ACSL6: variants seen among roughly 807,000 people sequenced by gnomAD.
ACSL6 encodes long-chain-fatty-acid--CoA ligase 6.
ACSL6 carries 47 observed loss-of-function variants against 98.2 expected under a neutral mutation model. That is an observed-to-expected ratio of 0.48 (90% CI 0.38 to 0.61). The LOEUF is 0.61. Ranked by LOEUF, ACSL6 falls within the 20% of genes least tolerant of loss-of-function variation. The probability of loss-of-function intolerance (pLI) is 0.00; values close to 1 mark genes in which losing one functional copy is unlikely to be tolerated. For synonymous variants in ACSL6, 362 were observed against 336.9 expected, an observed-to-expected ratio of 1.07 and a Z score of -0.82; for missense variants, 761 against 913.4, an observed-to-expected ratio of 0.83 and a Z score of 2.15.
rs1385418845 is a variant in ACSL6 at position 131,990,167 on chromosome 5, G to A, written c.386-3C>T. On this transcript the variant is annotated splice_region_variant and splice_polypyrimidine_tract_variant and intron_variant, in intron 3 of 20. Coordinates refer to ENST00000651883, the MANE Select transcript of ACSL6 (RefSeq NM_001009185.3). ...GAAACCAAGACAGGGCCCATTCCCT[G>A]TAGAGAGATAAGAAAGCCTTGTGTC... The A allele has an allele frequency of 6.2e-7, 1 of 1,613,944 alleles. No individual in the cohort carries two copies. Among genetic ancestry groups the A allele is most frequent in the East Asian group, 2.2e-5 (1 of 44,870 alleles).
At chr5:131,989,783 G>C (rs541489060) in intron 4 of ACSL6, among the ~76,000 whole-genome samples, 2 of 151,976 alleles carry the variant, frequency 1.3e-5, no homozygotes, top group African/African-American at 4.8e-5. Flanking sequence ...TAGTAGAGAC[G>C]GAGTTTCACT....
chr5:131,988,625 G>C, intron 6 of ACSL6, 180 bp downstream of exon 6: 29 of 1,613,160 alleles, frequency 1.8e-5, no homozygotes, highest in Non-Finnish European at 2.5e-5. Flanking sequence ...TTCGTGTGAA[G>C]TCTGACCAGG....
intron 9 of ACSL6, 65 bp downstream of exon 9, chr5:131,985,342 A>G: frequency 6.3e-7 from 1 of 1,593,732 alleles, no homozygotes; most frequent in South Asian, 1.1e-5. Flanking sequence ...TCCAGCAGTC[A>G]CCTGCTAGGC....
Position 131,989,418 on chromosome 5 carries a change from T to G in ACSL6, c.541A>C (p.Asn181His). 6.2e-7 allele frequency: 1 copy of G among 1,613,948 alleles called. No individual in the cohort carries two copies. The change falls in exon 5 of 21, where the codon AAT becomes CAT. Residue 181 changes from asparagine (N) to histidine (H), a missense_variant. Coordinates refer to ENST00000651883, the MANE Select transcript of ACSL6 (RefSeq NM_001009185.3). ...TDQFIGVFAQ[N>H]RPEWIIVELA... ...AGGTAGATGCTCACCTCTGGCCGAT[T>G]TTGTGCAAAAACACCAATAAACTGA...
rs558589097 is a variant in ACSL6, at chr5:131,955,897, T to C, written c.2032-1526A>G. Among the ~76,000 whole-genome samples, 30 of 152,360 alleles carry C rather than the reference T, an allele frequency of 2.0e-4. No homozygotes were observed. The South Asian group carries it at 6.2e-3, about 32-fold the overall frequency. On this transcript the variant is annotated intron_variant, in intron 20 of 20. Coordinates refer to ENST00000651883, the MANE Select transcript of ACSL6 (RefSeq NM_001009185.3). ...AAAAAATTGACAGTACTAATATCCT[T>C]AACTTTTCAAAAAAATTTCTTTCTG...
chr5:131,993,985 C>A, intron 2 of ACSL6, 46 bp downstream of exon 2: 1 of 1,590,790 alleles, frequency 6.3e-7, no homozygotes, highest in Non-Finnish European at 8.6e-7. Context: ...GATGCCTGTC[C>A]TCTGCCCCCT....
rs1755701066 is a variant in ACSL6, at chr5:132,011,096, C to T, written c.49+409G>A. ...AGGTCAGTCCGGGTTACATAGCTGACCTGCTGTGGGACCTCGGGGACCAAC... is the reference window on the plus strand; with the variant it reads ...AGGTCAGTCCGGGTTACATAGCTGATCTGCTGTGGGACCTCGGGGACCAAC... On this transcript the variant is annotated intron_variant, in intron 1 of 20. Transcript: ENST00000651883. This position sits in a 1 kb window ranked among gnomAD's most constrained non-coding sequence, Gnocchi z 5.4. Among the ~76,000 whole-genome samples, 1 of 152,172 alleles carries T rather than the reference C, an allele frequency of 6.6e-6. No individual in the cohort carries two copies. The highest frequency in any genetic ancestry group is 1.5e-5 in the Non-Finnish European group (1 of 68,010).
chr5:131,997,345 T>C (rs1754843092), intron 1 of ACSL6, among the ~76,000 whole-genome samples: 1 of 152,206 alleles, frequency 6.6e-6, no homozygotes, highest in East Asian at 1.9e-4. Context: ...TAGTAGAGCA[T>C]AGACTCAAGC....
intron 9 of ACSL6, among the ~76,000 whole-genome samples, chr5:131,978,395 C>T (rs1334830001): frequency 3.3e-5 from 5 of 152,190 alleles, no homozygotes; most frequent in Non-Finnish European, 7.3e-5. Flanking sequence ...TTTCAACTTT[C>T]ATAGTCTACT....
intron 20 of ACSL6, among the ~76,000 whole-genome samples, 194 bp from the exon 21 acceptor site, chr5:131,954,565 C>T (rs745613991): frequency 6.6e-6 from 1 of 152,168 alleles, no homozygotes; most frequent in African/African-American, 2.4e-5. Flanking sequence ...CCTATTCATT[C>T]ATTTAGCCAG....
At chr5:132,011,674 C>T, upstream of ACSL6, 1 of 1,267,092 alleles carries the variant, frequency 7.9e-7, no homozygotes, top group Non-Finnish European at 1.0e-6. This position sits in a 1 kb window ranked among gnomAD's most constrained non-coding sequence, Gnocchi z 5.4. Context: ...GTATTTTTAG[C>T]CCCCGCCCTC....
At chr5:131,957,645 T>C (rs1225234385) in intron 20 of ACSL6, among the ~76,000 whole-genome samples, 3 of 152,224 alleles carry the variant, frequency 2.0e-5, no homozygotes, top group Admixed American at 2.0e-4. Flanking sequence ...TTGAATTCGT[T>C]ATTTCTGTGT....
chr5:131,954,211 C>T lies in ACSL6; in HGVS notation c.*23G>A. 6.2e-7 allele frequency: 1 copy of T among 1,601,388 alleles called. No individual in the cohort carries two copies. The highest frequency in any genetic ancestry group is 2.2e-5 in the East Asian group (1 of 44,712). ...TAATATTGCTAGACAGTTCATTACACTGAGAAGAACTTTCCTTGAACTTCA... is the reference window on the plus strand; with the variant it reads ...TAATATTGCTAGACAGTTCATTACATTGAGAAGAACTTTCCTTGAACTTCA... On this transcript the variant is annotated 3_prime_UTR_variant, in exon 21 of 21. Transcript: ENST00000651883.
At chr5:131,997,340 G>A (rs1174963980) in intron 1 of ACSL6, among the ~76,000 whole-genome samples, 1 of 152,220 alleles carries the variant, frequency 6.6e-6, no homozygotes. Context: ...ACAAGTAGTA[G>A]AGCATAGACT....
In ACSL6 at chr5:132,011,562, G is replaced by A. The variant is rs773348456; in HGVS notation, c.-9C>T. 1.9e-6 allele frequency: 3 copies of A among 1,576,388 alleles called. No individual in the cohort carries two copies. In the South Asian group the frequency reaches 3.4e-5, roughly 18 times the overall value. On this transcript the variant is annotated 5_prime_UTR_variant, in exon 1 of 21. Coordinates refer to ENST00000651883, the MANE Select transcript of ACSL6 (RefSeq NM_001009185.3). This position sits in a 1 kb window ranked among gnomAD's most constrained non-coding sequence, Gnocchi z 5.4. ...AGGAAGAAGGTCAGCATGGCGGTCA[G>A]CGGGGCCCGGCCCGGCCCGGCCCGG...
chr5:132,008,028 C>G (rs762716782), intron 1 of ACSL6, among the ~76,000 whole-genome samples: 5 of 152,204 alleles, frequency 3.3e-5, no homozygotes, highest in Non-Finnish European at 4.4e-5. Flanking sequence ...CTGCTGCCCC[C>G]TGGTGTCAGT....
At chr5:131,975,772 C>T (rs1753580859) in intron 10 of ACSL6, 8 of 985,362 alleles carry the variant, frequency 8.1e-6, no homozygotes, top group Non-Finnish European at 8.4e-6. Flanking sequence ...TGGGCTGTGC[C>T]TCCACGTGCT....
At position 132,011,409 on chromosome 5, in the gene ACSL6, TCGG is replaced by T; in HGVS notation, c.49+93_49+95del. ...CAGCTCAGCAGCAGGGGATGGGGGC[TCGG>T]CGGCCGCGGAGATGTAACACCTCCA... On this transcript the variant is annotated intron_variant, in intron 1 of 20. Coordinates refer to ENST00000651883, the MANE Select transcript of ACSL6 (RefSeq NM_001009185.3). This position sits in a 1 kb window ranked among gnomAD's most constrained non-coding sequence, Gnocchi z 5.4. 7.4e-7 allele frequency: 1 copy of T among 1,354,722 alleles called. No individual in the cohort carries two copies. Among genetic ancestry groups the T allele is most frequent in the Non-Finnish European group, 1.0e-6 (1 of 956,074 alleles). The allele number at this position is 1,354,722 out of a possible 1,614,324, so 83.9% of individuals were successfully genotyped here. A position where few individuals can be genotyped will look rare whatever the true frequency, so the allele number is the denominator to read the frequency against.
chr5:131,956,945 A>G (rs1752440725), intron 20 of ACSL6, among the ~76,000 whole-genome samples: 1 of 152,202 alleles, frequency 6.6e-6, no homozygotes, highest in Non-Finnish European at 1.5e-5. Context: ...CTTTTCACTG[A>G]AAAGAGATGC....
Sources: allele counts gnomAD v4.1 joint callset (sites outside exome capture counted in the v4.1 genomes callset), GRCh38; gene constraint gnomAD v4.1.1; non-coding constraint Gnocchi (gnomAD v3.1); transcripts MANE v1.5; gene names NCBI Gene and HGNC (gene_info 2026-07-23, HGNC 2026-07-21).